The following COL6A3 variants were observed in gnomAD, a reference collection of about 807,000 sequenced individuals.
COL6A3 encodes collagen type VI alpha 3 chain.
COL6A3 carries 137 observed loss-of-function variants against 274.1 expected under a neutral mutation model. The observed-to-expected ratio is 0.50, with a 90% CI of 0.44 to 0.58. The LOEUF is 0.58. Among genes scored for constraint, COL6A3 ranks in the 20% least tolerant of loss-of-function variants. The pLI, the probability that COL6A3 is intolerant of heterozygous loss-of-function variation, is 0.00. For missense variants in COL6A3, 3,950 were observed against 4,124.9 expected, an observed-to-expected ratio of 0.96 and a Z score of 1.16; for synonymous variants, 1,650 against 1,650.6, an observed-to-expected ratio of 1.00 and a Z score of 0.01.
intron 17 of COL6A3, 33 bp downstream of exon 17, chr2:237,360,055 C>T (rs202040131): frequency 2.0e-5 from 33 of 1,611,740 alleles, no homozygotes; most frequent in African/African-American, 2.7e-5. Context: ...CTGACCCCTC[C>T]CCACGCTAGC....
intron 32 of COL6A3, among the ~76,000 whole-genome samples, 162 bp from the exon 33 acceptor site, chr2:237,345,375 C>CA (rs1269563159): frequency 1.3e-5 from 2 of 151,896 alleles, no homozygotes; most frequent in African/African-American, 2.4e-5. Flanking sequence ...CCTTGCAAAG[C>CA]AAAAAAGAGA....
At chr2:237,398,660 C>T (rs1369792891) in intron 1 of COL6A3, among the ~76,000 whole-genome samples, 1 of 152,188 alleles carries the variant, frequency 6.6e-6, no homozygotes, top group African/African-American at 2.4e-5. Context: ...CAGTTTGATG[C>T]TTTGATGTTG....
rs528204718 is a variant in COL6A3 at position 237,371,763 on chromosome 2, C to T, written c.4254G>A (p.Lys1418=). The T allele has an allele frequency of 2.2e-5, 36 of 1,610,470 alleles. No homozygotes were observed. The highest frequency in any genetic ancestry group is 1.7e-4 in the Middle Eastern group (1 of 6,038). ...GTGGATAGCGAGTGCTGGCTAAGAGCTTCTGGATCTGCTCTGAGGTCAGGG... is the reference window on the plus strand; with the variant it reads ...GTGGATAGCGAGTGCTGGCTAAGAGTTTCTGGATCTGCTCTGAGGTCAGGG... ...ITTLTSEQIQ[K]LLASTRYPPP... The change falls in exon 9 of 44, where the codon AAG becomes AAA. Residue 1418 remains lysine, a synonymous_variant. Coordinates refer to ENST00000295550, the MANE Select transcript of COL6A3 (RefSeq NM_004369.4). The surrounding 1 kb of genome is among the most constrained non-coding windows in gnomAD (Gnocchi z 4.3).
At chr2:237,338,765 C>A (rs1300399299) in intron 39 of COL6A3, among the ~76,000 whole-genome samples, 1 of 152,216 alleles carries the variant, frequency 6.6e-6, no homozygotes, top group African/African-American at 2.4e-5. Context: ...AAGACTCTGT[C>A]TCTAAATAAA....
chr2:237,396,885 T>G, intron 1 of COL6A3, 38 bp from the exon 2 acceptor site: 1 of 1,431,178 alleles, frequency 7.0e-7, no homozygotes, highest in Non-Finnish European at 9.8e-7. Context: ...TGATCAGTTT[T>G]TGACTCTCAT....
Position 237,371,926 on chromosome 2 carries a change from A to G in COL6A3, c.4091T>C (p.Val1364Ala). ...DPAVELKQFGVAPFTIARNAD... is the reference protein window; with the variant it reads ...DPAVELKQFGAAPFTIARNAD... ...GTTCCTGGCGATCGTGAAAGGGGCC[A>G]CGCCAAACTGCTTGAGCTCCACCGC... The change falls in exon 9 of 44, where the codon GTG becomes GCG. Residue 1364 changes from valine (V) to alanine (A), a missense_variant. Around this residue, in one of 5 missense-constraint regions of COL6A3, gnomAD observed 1,934 missense variants for 1,984.3 expected, o/e 0.97. Coordinates refer to ENST00000295550, the MANE Select transcript of COL6A3 (RefSeq NM_004369.4). The surrounding 1 kb of genome is among the most constrained non-coding windows in gnomAD (Gnocchi z 4.3). The G allele has an allele frequency of 6.2e-7, 1 of 1,613,956 alleles. No individual in the cohort carries two copies. Among genetic ancestry groups the G allele is most frequent in the South Asian group, 1.1e-5 (1 of 91,066 alleles).
chr2:237,399,825 G>A (rs770805607), intron 1 of COL6A3, among the ~76,000 whole-genome samples: 10 of 152,074 alleles, frequency 6.6e-5, no homozygotes, highest in Non-Finnish European at 1.2e-4. Flanking sequence ...CTGCTCTCTC[G>A]GACTCCATTA....
At chr2:237,348,317 T>A (rs1156616468) in intron 30 of COL6A3, 32 bp downstream of exon 30, 4 of 1,590,228 alleles carry the variant, frequency 2.5e-6, no homozygotes, top group Non-Finnish European at 3.5e-6. Context: ...CCCAAAATCA[T>A]GATGATGCTT....
chr2:237,357,250 TG>T, intron 23 of COL6A3, 87 bp downstream of exon 23: 1 of 1,086,046 alleles, frequency 9.2e-7, no homozygotes, highest in Non-Finnish European at 1.4e-6. Flanking sequence ...TGCAGAGCTG[TG>T]GACTAACCAT....
intron 1 of COL6A3, among the ~76,000 whole-genome samples, chr2:237,401,998 TAA>T (rs2078603042): frequency 1.3e-5 from 2 of 152,178 alleles, no homozygotes; most frequent in Non-Finnish European, 2.9e-5. Flanking sequence ...TGTATTATAC[TAA>T]GTCTTATACA....
intron 23 of COL6A3, 27 bp downstream of exon 23, chr2:237,357,311 G>GC (rs751914944): frequency 7.5e-6 from 12 of 1,607,524 alleles, no homozygotes; most frequent in Non-Finnish European, 1.0e-5. Context: ...TTGTCACAGA[G>GC]CCCCCCAAAG....
At chr2:237,348,012 T>A in intron 30 of COL6A3, 143 bp from the exon 31 acceptor site, 1 of 763,066 alleles carries the variant, frequency 1.3e-6, no homozygotes, top group South Asian at 1.5e-5. Context: ...ACTTTTCCAG[T>A]GGGTTACTAC....
intron 43 of COL6A3, 24 bp from the exon 44 acceptor site, chr2:237,324,838 G>A (rs2106297818): frequency 6.2e-7 from 1 of 1,611,828 alleles, no homozygotes; most frequent in South Asian, 1.1e-5. Context: ...GAGGGGGTGG[G>A]TGGGGTGAGG....
rs550815671 is a variant in COL6A3 at position 237,324,579 on chromosome 2, G to A, written c.*195C>T. The A allele has an allele frequency of 7.0e-5, 42 of 603,906 alleles. No homozygotes were observed. In the Middle Eastern group the frequency reaches 3.1e-3, roughly 44 times the overall value. 37.4% of individuals were successfully genotyped at this position (603,906 alleles called of 1,614,324 possible). The stretch of plus-strand genomic sequence containing the variant: ...TTCGAGAGAACTGCCTGGAGACAGA[G>A]AGCGAGGGTCCACAGACACATTAGC... On this transcript the variant is annotated 3_prime_UTR_variant, in exon 44 of 44. Coordinates refer to ENST00000295550, the MANE Select transcript of COL6A3 (RefSeq NM_004369.4).
Position 237,344,543 on chromosome 2 carries a change from G to A in COL6A3, c.7475C>T (p.Ser2492Leu), listed in dbSNP as rs754480145. Residue 2492 changes from serine to leucine, a missense_variant, in exon 36 of 44, where the codon TCG becomes TTG. By Grantham distance (145) the Ser-to-Leu change is moderately radical (BLOSUM62 -2). This residue lies in a region of COL6A3 where 1,284 missense variants were observed against 1,349.7 expected (regional missense o/e 0.95). Transcript: ENST00000295550. The surrounding 1 kb of genome is among the most constrained non-coding windows in gnomAD (Gnocchi z 4.8). ...SKQQSLETAM[S>L]FVARNTFKRV... Reference sequence around the variant, plus strand: ...CTTAAATGTGTTCCTGGCCACAAACGACATGGCAGTCTCCAGACTCTGCTG... The same window carrying A: ...CTTAAATGTGTTCCTGGCCACAAACAACATGGCAGTCTCCAGACTCTGCTG... The A allele has an allele frequency of 2.0e-5, 32 of 1,614,018 alleles. No individual in the cohort carries two copies. Among genetic ancestry groups the A allele is most frequent in the African/African-American group, 5.3e-5 (4 of 74,904 alleles).
chr2:237,367,184 G>A lies in COL6A3; in HGVS notation c.5003C>T (p.Thr1668Ile), dbSNP rs1341078916. The A allele has an allele frequency of 2.5e-6, 4 of 1,614,054 alleles. No homozygotes were observed. Among genetic ancestry groups the A allele is most frequent in the Non-Finnish European group, 3.4e-6 (4 of 1,180,040 alleles). Residue 1668 changes from threonine (T) to isoleucine (I), a missense_variant, in exon 11 of 44, where the codon ACA (threonine) becomes ATA (isoleucine). Thr to Ile is a moderately conservative substitution (Grantham distance 89). This residue lies in a region of COL6A3 where 632 missense variants were observed against 623.4 expected (regional missense o/e 1.01). Coordinates refer to ENST00000295550, the MANE Select transcript of COL6A3 (RefSeq NM_004369.4). ...GATGGAGTCGCCATCTTCATAAACT[G>A]TGTCCACTATTTCAGACACAAAACG... is the stretch of plus-strand genomic sequence containing the variant. ...VLRFVSEIVD[T>I]VYEDGDSIQV...
In COL6A3 at chr2:237,344,981, TGA is replaced by T; in HGVS notation, c.7163-31_7163-30del. On this transcript the variant is annotated intron_variant, in intron 34 of 43. Transcript: ENST00000295550. This position sits in a 1 kb window ranked among gnomAD's most constrained non-coding sequence, Gnocchi z 4.8. Reference sequence around the variant, plus strand: ...GAAAAGAAGCAAAGAGAAGAAAGGGTGAGAGACTACTCTACCATGTGAGAATT... The same window carrying T: ...GAAAAGAAGCAAAGAGAAGAAAGGGTGAGACTACTCTACCATGTGAGAATT... 1 of 1,614,056 alleles carries T rather than the reference TGA, an allele frequency of 6.2e-7. No homozygotes were observed. The highest frequency in any genetic ancestry group is 8.5e-7 in the Non-Finnish European group (1 of 1,179,988).
chr2:237,407,117 G>T lies in COL6A3; in HGVS notation c.-31+6836C>A, dbSNP rs191696958. On this transcript the variant is annotated intron_variant, in intron 1 of 43. Transcript: ENST00000295550. This position sits in a 1 kb window ranked among gnomAD's most constrained non-coding sequence, Gnocchi z 4.3. ...GGTAGAGACAATATCTCACTATATTGCCCAGGCTGGTCTCAAACTCTTGGG... is the reference window on the plus strand; with the variant it reads ...GGTAGAGACAATATCTCACTATATTTCCCAGGCTGGTCTCAAACTCTTGGG... 9.2e-5 allele frequency among the ~76,000 whole-genome samples: 14 copies of T among 151,898 alleles called. No individual in the cohort carries two copies. In the East Asian group the frequency reaches 2.7e-3, roughly 30 times the overall value.
At chr2:237,404,794 T>C (rs981653143) in intron 1 of COL6A3, among the ~76,000 whole-genome samples, 2 of 152,182 alleles carry the variant, frequency 1.3e-5, no homozygotes, top group Non-Finnish European at 2.9e-5. Context: ...TTTCTCATCT[T>C]CCAGAGTGCT....
Sources: gnomAD v4.1 joint callset for allele counts (sites outside exome capture counted in the v4.1 genomes callset) on GRCh38, gnomAD v4.1.1 for gene constraint, gnomAD v4.1.1 regional missense constraint, Gnocchi (gnomAD v3.1) non-coding constraint, MANE v1.5 for transcripts, NCBI Gene and HGNC (gene_info 2026-07-23, HGNC 2026-07-21) for gene names.